The following KALRN variants were observed in gnomAD, a reference collection of about 807,000 sequenced individuals.
The protein encoded by KALRN is kalirin.
In KALRN, 70 loss-of-function variants were observed where a neutral mutation model predicts 353.7. That is an observed-to-expected ratio of 0.20 (90% CI 0.16 to 0.24). The LOEUF (loss-of-function observed/expected upper bound fraction) is 0.24, where lower values mean the gene tolerates loss of function less well. Ranked by LOEUF, KALRN falls within the 10% of genes least tolerant of loss-of-function variation. The probability of loss-of-function intolerance (pLI) is 1.00; values close to 1 mark genes in which losing one functional copy is unlikely to be tolerated. For synonymous variants in KALRN, 1,391 were observed against 1,434.8 expected, an observed-to-expected ratio of 0.97 and a Z score of 0.69; for missense variants, 2,791 against 3,756.7, an observed-to-expected ratio of 0.74 and a Z score of 6.72.
At chr3:124,656,572 C>T (rs570953267) in intron 39 of KALRN, among the ~76,000 whole-genome samples, 1 of 152,202 alleles carries the variant, frequency 6.6e-6, no homozygotes, top group East Asian at 1.9e-4. Flanking sequence ...GATCGCGCCA[C>T]CGCACTCCAG....
intron 34 of KALRN, among the ~76,000 whole-genome samples, chr3:124,591,050 G>A (rs2075717419): frequency 1.3e-5 from 2 of 152,152 alleles, no homozygotes; most frequent in East Asian, 3.8e-4. Flanking sequence ...ATCGGGTGTT[G>A]ACTGTGTTGA....
intron 51 of KALRN, chr3:124,679,876 C>T: frequency 6.1e-6 from 2 of 327,590 alleles, no homozygotes; most frequent in South Asian, 2.8e-5. Flanking sequence ...TGAGTCCCAG[C>T]TAAATGACAA....
At chr3:124,450,901 T>C (rs2058709760) in intron 21 of KALRN, among the ~76,000 whole-genome samples, 1 of 152,114 alleles carries the variant, frequency 6.6e-6, no homozygotes, top group African/African-American at 2.4e-5. Context: ...TCATATGTGA[T>C]GGAAAGTTTT....
chr3:124,442,163 C>G (rs887440652), intron 19 of KALRN, 104 bp downstream of exon 19: 1 of 606,862 alleles, frequency 1.6e-6, no homozygotes, highest in African/African-American at 1.9e-5. Flanking sequence ...CCTGCTGCTT[C>G]TCCTTAGAAA....
intron 15 of KALRN, among the ~76,000 whole-genome samples, chr3:124,424,623 T>C (rs2092937215): frequency 6.6e-6 from 1 of 152,128 alleles, no homozygotes; most frequent in Non-Finnish European, 1.5e-5. Flanking sequence ...GCCCTCCAGA[T>C]TGTTTCTGCT....
At chr3:124,056,008 T>C (rs2041503925) in intron 1 of KALRN, among the ~76,000 whole-genome samples, 1 of 152,228 alleles carries the variant, frequency 6.6e-6, no homozygotes, top group South Asian at 2.1e-4. Context: ...GACCTTCCTA[T>C]ATGTCAGGTT....
chr3:124,567,445 T>C (rs536366645), intron 34 of KALRN, among the ~76,000 whole-genome samples: 1 of 152,304 alleles, frequency 6.6e-6, no homozygotes, highest in Admixed American at 6.5e-5. Flanking sequence ...CTGATAAGTC[T>C]TGGTGTCATT....
chr3:124,254,952 A>ATT (rs1553876375), intron 3 of KALRN, among the ~76,000 whole-genome samples: 4,633 of 109,220 alleles, frequency 0.042, 109 homozygotes, highest in Middle Eastern at 0.078. Context: ...ATATATATAT[A>ATT]TTTTTTTTTT....
At chr3:124,352,348 A>G (rs2082917956) in intron 10 of KALRN, among the ~76,000 whole-genome samples, 1 of 152,218 alleles carries the variant, frequency 6.6e-6, no homozygotes, top group South Asian at 2.1e-4. Context: ...GCGAGTATTC[A>G]AGTGCCTGTG....
intron 1 of KALRN, among the ~76,000 whole-genome samples, chr3:124,146,864 G>A (rs1227831764): frequency 1.2e-4 from 7 of 59,082 alleles, no homozygotes; most frequent in African/African-American, 2.2e-4. Flanking sequence ...GCAATAGAGC[G>A]ACTCTGTCTC....
chr3:124,423,116 T>A (rs2092856638), intron 15 of KALRN, 138 bp downstream of exon 15: 1 of 702,256 alleles, frequency 1.4e-6, no homozygotes, highest in Non-Finnish European at 2.3e-6. Context: ...AATAGGTAAG[T>A]TAAGGACTAC....
chr3:124,421,193 T>C (rs2092764453), intron 14 of KALRN, among the ~76,000 whole-genome samples: 1 of 152,156 alleles, frequency 6.6e-6, no homozygotes, highest in Non-Finnish European at 1.5e-5. Context: ...AATAAGCAAG[T>C]AGTTCAGAGT....
chr3:124,155,485 A>C (rs1180333760), intron 1 of KALRN, among the ~76,000 whole-genome samples: 3 of 152,198 alleles, frequency 2.0e-5, no homozygotes, highest in African/African-American at 7.2e-5. Flanking sequence ...CCAGGACAGG[A>C]TCAGAGGTCT....
chr3:124,393,097 C>A (rs2150040737), intron 11 of KALRN, among the ~76,000 whole-genome samples: 1 of 152,214 alleles, frequency 6.6e-6, no homozygotes, highest in East Asian at 1.9e-4. Context: ...TCCTGAATAG[C>A]TGGGGTTACA....
intron 3 of KALRN, 105 bp from the exon 4 acceptor site, chr3:124,264,393 G>A: frequency 3.4e-6 from 3 of 893,782 alleles, no homozygotes; most frequent in Admixed American, 2.6e-5. Flanking sequence ...AGTTGAAAGA[G>A]TGATTCTGGT....
intron 1 of KALRN, among the ~76,000 whole-genome samples, chr3:124,136,496 C>G (rs73186237): frequency 0.082 from 12,502 of 152,184 alleles, 481 homozygotes; most frequent in African/African-American, 0.092. Flanking sequence ...AGGTCCCCCC[C>G]CCATTGATTG....
intron 34 of KALRN, among the ~76,000 whole-genome samples, chr3:124,572,096 A>G (rs7372055): frequency 0.48 from 71,733 of 150,808 alleles, 17,191 homozygotes; most frequent in African/African-American, 0.53. Context: ...GCCAAGGCAG[A>G]TGGATCACTT....
intron 34 of KALRN, among the ~76,000 whole-genome samples, chr3:124,593,021 TC>T (rs1229987105): frequency 2.0e-5 from 3 of 152,192 alleles, no homozygotes; most frequent in Non-Finnish European, 2.9e-5. Flanking sequence ...TGTTTCTGTT[TC>T]CAGGTATGTG....
In KALRN at chr3:124,268,883, C is replaced by T. The variant is rs368081230; in HGVS notation, c.597C>T (p.Ala199=). 33 of 1,613,986 alleles carry T rather than the reference C, an allele frequency of 2.0e-5. No homozygotes were observed. Among genetic ancestry groups the T allele is most frequent in the African/African-American group, 2.7e-5 (2 of 74,908 alleles). ...RLSLEEFFNS[A]VHLLSRLEDL... ...CCCTGGAGGAGTTCTTCAACAGCGC[C>T]GTGCACCTGCTCTCGCGCCTCGAGG... The change falls in exon 5 of 60, where the codon GCC becomes GCT. Residue 199 remains alanine (A), a synonymous_variant. Coordinates refer to ENST00000682506, the MANE Select transcript of KALRN (RefSeq NM_001388419.1).
Sources: gnomAD v4.1 joint callset for allele counts (sites outside exome capture counted in the v4.1 genomes callset) on GRCh38, gnomAD v4.1.1 for gene constraint, MANE v1.5 for transcripts, NCBI Gene and HGNC (gene_info 2026-07-23, HGNC 2026-07-21) for gene names.